Variants in ANKIB1 observed in about 807,000 individuals in gnomAD.
The protein encoded by ANKIB1 is ankyrin repeat and IBR domain-containing protein 1.
In ANKIB1, 43 loss-of-function variants were observed where a neutral mutation model predicts 122.1. That is an observed-to-expected ratio of 0.35 (90% CI 0.28 to 0.45). The LOEUF (loss-of-function observed/expected upper bound fraction) is 0.45. Ranked by LOEUF, ANKIB1 falls within the 20% of genes least tolerant of loss-of-function variation. The pLI is 1.00. For synonymous variants in ANKIB1, 390 were observed against 442.0 expected, an observed-to-expected ratio of 0.88 and a Z score of 1.48; for missense variants, 992 against 1,329.5, an observed-to-expected ratio of 0.75 and a Z score of 3.95.
intron 4 of ANKIB1, among the ~76,000 whole-genome samples, chr7:92,323,644 G>A (rs961594009): frequency 6.6e-6 from 1 of 152,128 alleles, no homozygotes; most frequent in Non-Finnish European, 1.5e-5. Flanking sequence ...ATATTACCTG[G>A]ATGTTTATAA....
intron 3 of ANKIB1, among the ~76,000 whole-genome samples, chr7:92,308,679 CATATA>C (rs1401033192): frequency 6.6e-6 from 1 of 151,988 alleles, no homozygotes; most frequent in Non-Finnish European, 1.5e-5. Flanking sequence ...TAAAATCACG[CATATA>C]ATATGAGATC....
At chr7:92,246,656 T>C in intron 1 of ANKIB1, 137 bp downstream of exon 1, 2 of 450,436 alleles carry the variant, frequency 4.4e-6, no homozygotes, top group South Asian at 1.6e-5. Context: ...AGCATTGTTG[T>C]TCTGTCTGTC....
At chr7:92,324,229 G>C (rs1488921199) in intron 4 of ANKIB1, among the ~76,000 whole-genome samples, 1 of 152,140 alleles carries the variant, frequency 6.6e-6, no homozygotes, top group Non-Finnish European at 1.5e-5. Context: ...AGTTTTACCT[G>C]AATTTTTTTA....
intron 7 of ANKIB1, among the ~76,000 whole-genome samples, chr7:92,347,128 C>G (rs1158521678): frequency 1.3e-5 from 2 of 152,208 alleles, no homozygotes; most frequent in Non-Finnish European, 2.9e-5. Flanking sequence ...GCCCCTCAAT[C>G]TATCTTATTC....
intron 11 of ANKIB1, among the ~76,000 whole-genome samples, chr7:92,385,529 C>T (rs1773156077): frequency 6.6e-6 from 1 of 152,162 alleles, no homozygotes; most frequent in Admixed American, 6.5e-5. Flanking sequence ...GGTACATATA[C>T]ACCATGGAAT....
intron 1 of ANKIB1, among the ~76,000 whole-genome samples, chr7:92,287,817 T>C (rs771776234): frequency 2.6e-5 from 4 of 151,862 alleles, no homozygotes; most frequent in Non-Finnish European, 1.5e-5. Flanking sequence ...GGGCAGATCA[T>C]GAGGTCAAGA....
Position 92,345,005 on chromosome 7 carries a change from G to A in ANKIB1, c.1024G>A (p.Val342Ile). The A allele has an allele frequency of 1.9e-6, 3 of 1,613,224 alleles. No individual in the cohort carries two copies. The highest frequency in any genetic ancestry group is 2.5e-6 in the Non-Finnish European group (3 of 1,179,466). Residue 342 changes from valine (V) to isoleucine (I), a missense_variant, in exon 7 of 20, where the codon GTA (valine) becomes ATA (isoleucine). This residue lies in a region of ANKIB1 where 521 missense variants were observed against 777.7 expected (regional missense o/e 0.67). Coordinates refer to ENST00000265742, the MANE Select transcript of ANKIB1 (RefSeq NM_019004.2). Reference protein sequence around the residue: ...LCDICMCSISVFEDPVDMPCG... With the variant: ...LCDICMCSISIFEDPVDMPCG... The stretch of plus-strand genomic sequence containing the variant: ...TGACATTTGTATGTGCAGTATCTCT[G>A]TATTTGAAGACCCTGTGGATATGCC...
chr7:92,317,498 A>T (rs1802817701), intron 3 of ANKIB1, among the ~76,000 whole-genome samples: 1 of 152,104 alleles, frequency 6.6e-6, no homozygotes, highest in Non-Finnish European at 1.5e-5. Flanking sequence ...CTTAGCAAAC[A>T]TTTTTCTGTA....
chr7:92,383,085 A>C (rs1425343890), intron 11 of ANKIB1, among the ~76,000 whole-genome samples: 1 of 152,194 alleles, frequency 6.6e-6, no homozygotes, highest in African/African-American at 2.4e-5. Flanking sequence ...CAGAAATACA[A>C]ACTACCATCA....
Position 92,388,025 on chromosome 7 carries a change from C to G in ANKIB1, c.1890C>G (p.Ser630Arg). 1 of 1,572,584 alleles carries G rather than the reference C, an allele frequency of 6.4e-7. No homozygotes were observed. Among genetic ancestry groups the G allele is most frequent in the East Asian group, 2.3e-5 (1 of 42,870 alleles). The change falls in exon 14 of 20, where the codon AGC (serine) becomes AGG (arginine). Residue 630 changes from serine (S) to arginine (R), a missense_variant. This residue lies in a region of ANKIB1 where 521 missense variants were observed against 777.7 expected (regional missense o/e 0.67). Coordinates refer to ENST00000265742, the MANE Select transcript of ANKIB1 (RefSeq NM_019004.2). ...KTAKEKMEQLSRALKETEGGC... is the reference protein window; with the variant it reads ...KTAKEKMEQLRRALKETEGGC... ...CCAAAGAAAAGATGGAGCAATTGAG[C>G]AGAGCTCTCAAAGAAAGTAAGTTAT... is the stretch of plus-strand genomic sequence containing the variant.
chr7:92,296,728 T>A (rs188477776), intron 2 of ANKIB1, among the ~76,000 whole-genome samples: 1 of 152,298 alleles, frequency 6.6e-6, no homozygotes, highest in East Asian at 1.9e-4. Context: ...ACTTCTAGCA[T>A]CTAGCATAGT....
At chr7:92,308,072 A>G (rs1802605049) in intron 3 of ANKIB1, among the ~76,000 whole-genome samples, 1 of 152,008 alleles carries the variant, frequency 6.6e-6, no homozygotes, top group Non-Finnish European at 1.5e-5. Context: ...GGGTTTCACC[A>G]TGTTGGCCAG....
At chr7:92,253,123 C>T (rs1363323182) in intron 1 of ANKIB1, among the ~76,000 whole-genome samples, 1 of 152,168 alleles carries the variant, frequency 6.6e-6, no homozygotes, top group Non-Finnish European at 1.5e-5. Context: ...ATTACAGAAT[C>T]ATAAAGTTGT....
intron 10 of ANKIB1, among the ~76,000 whole-genome samples, chr7:92,367,430 T>C (rs73713706): frequency 4.9e-4 from 74 of 152,324 alleles, no homozygotes; most frequent in African/African-American, 1.7e-3. Context: ...AAAAATGATA[T>C]TTCAAAAAGG....
At chr7:92,253,643 G>A (rs781369614) in intron 1 of ANKIB1, among the ~76,000 whole-genome samples, 57 of 151,944 alleles carry the variant, frequency 3.8e-4, no homozygotes, top group Non-Finnish European at 1.9e-4. Flanking sequence ...AGACACAAAT[G>A]GTAACATACC....
intron 4 of ANKIB1, among the ~76,000 whole-genome samples, chr7:92,322,802 A>C (rs1174058173): frequency 1.3e-5 from 2 of 152,188 alleles, no homozygotes; most frequent in Admixed American, 6.5e-5. Flanking sequence ...TTTGTCTGAT[A>C]TATATCTTCT....
intron 9 of ANKIB1, among the ~76,000 whole-genome samples, chr7:92,358,058 T>A (rs1803861041): frequency 6.6e-6 from 1 of 152,104 alleles, no homozygotes; most frequent in Non-Finnish European, 1.5e-5. Context: ...CTGGCCAACA[T>A]GGTGAAACCC....
At chr7:92,379,492 A>G (rs979327679) in intron 11 of ANKIB1, among the ~76,000 whole-genome samples, 3 of 152,212 alleles carry the variant, frequency 2.0e-5, no homozygotes, top group Non-Finnish European at 4.4e-5. Context: ...TCAAATAGCC[A>G]TATTATGAAA....
chr7:92,328,798 A>G (rs912123929), intron 5 of ANKIB1, among the ~76,000 whole-genome samples: 4 of 151,668 alleles, frequency 2.6e-5, no homozygotes, highest in African/African-American at 4.8e-5. Flanking sequence ...AAATTTTTAT[A>G]TAATCTTTTG....
Sources: allele counts gnomAD v4.1 joint callset (sites outside exome capture counted in the v4.1 genomes callset), GRCh38; gene constraint gnomAD v4.1.1; regional missense constraint gnomAD v4.1.1; transcripts MANE v1.5; gene names NCBI Gene and HGNC (gene_info 2026-07-23, HGNC 2026-07-21).